RBM20: variants seen among roughly 807,000 people sequenced by gnomAD.
RBM20 encodes RNA binding motif protein 20, also known as RNA-binding protein 20.
RBM20 carries 51 observed loss-of-function variants against 110.1 expected under a neutral mutation model. That is an observed-to-expected ratio of 0.46 (90% CI 0.37 to 0.59). The LOEUF (loss-of-function observed/expected upper bound fraction) is 0.59, where lower values mean the gene tolerates loss of function less well. Among genes scored for constraint, RBM20 ranks in the 20% least tolerant of loss-of-function variants. The probability of loss-of-function intolerance (pLI) is 0.00; values close to 1 mark genes in which losing one functional copy is unlikely to be tolerated. For missense variants in RBM20, 1,512 were observed against 1,574.9 expected (o/e 0.96, Z 0.68); for synonymous variants, 589 against 618.2 (o/e 0.95, Z 0.70).
intron 1 of RBM20, among the ~76,000 whole-genome samples, chr10:110,773,839 G>A (rs962799173): frequency 6.6e-6 from 1 of 152,128 alleles, no homozygotes. Context: ...TAGTCCCCTG[G>A]TTCTGAGACT....
At chr10:110,839,467 TGTGA>T (rs566617930) in exon 14 of RBM20, 31 of 152,232 alleles carry the variant, frequency 2.0e-4, no homozygotes, top group African/African-American at 7.0e-4. Flanking sequence ...ATTTGAAAGC[TGTGA>T]GTGAGTGACT....
intron 1 of RBM20, among the ~76,000 whole-genome samples, chr10:110,661,755 A>T (rs1862105522): frequency 6.6e-6 from 1 of 152,094 alleles, no homozygotes; most frequent in Non-Finnish European, 1.5e-5. Context: ...CACACCTGTA[A>T]TCCCAGCATT....
At chr10:110,682,712 T>G (rs948324796) in intron 1 of RBM20, among the ~76,000 whole-genome samples, 1 of 152,202 alleles carries the variant, frequency 6.6e-6, no homozygotes, top group African/African-American at 2.4e-5. Flanking sequence ...TTGCTTAAGG[T>G]GGTGTTAACT....
chr10:110,660,679 G>A (rs752351429), intron 1 of RBM20, among the ~76,000 whole-genome samples: 1 of 151,738 alleles, frequency 6.6e-6, no homozygotes, highest in Admixed American at 6.6e-5. Flanking sequence ...CTGATGATCT[G>A]TCACTGTCTC....
At chr10:110,646,236 T>C (rs564863123) in intron 1 of RBM20, among the ~76,000 whole-genome samples, 4 of 152,232 alleles carry the variant, frequency 2.6e-5, no homozygotes, top group Non-Finnish European at 5.9e-5. Context: ...GAACTTTATA[T>C]TCACAGAAAA....
At chr10:110,804,664 A>G (rs1332180832) in intron 7 of RBM20, among the ~76,000 whole-genome samples, 3 of 152,252 alleles carry the variant, frequency 2.0e-5, no homozygotes, top group Non-Finnish European at 2.9e-5. Context: ...GAAAGAGAAA[A>G]TCTGAAGGAA....
At chr10:110,752,942 TATA>T (rs369973868) in intron 1 of RBM20, among the ~76,000 whole-genome samples, 1,274 of 81,548 alleles carry the variant, frequency 0.016, 5 homozygotes, top group African/African-American at 0.029. Context: ...TATATATATA[TATA>T]TTTTTTTTTT....
At chr10:110,692,880 T>A (rs1319813108) in intron 1 of RBM20, among the ~76,000 whole-genome samples, 1 of 131,470 alleles carries the variant, frequency 7.6e-6, no homozygotes, top group African/African-American at 2.6e-5. Context: ...CCATTGAGTA[T>A]GATGTTAGCT....
At chr10:110,721,280 A>G (rs998449783) in intron 1 of RBM20, among the ~76,000 whole-genome samples, 3 of 152,182 alleles carry the variant, frequency 2.0e-5, no homozygotes, top group African/African-American at 7.2e-5. Flanking sequence ...CTCCATCCCT[A>G]GAGCAATGCC....
chr10:110,819,718 C>T (rs902833528), intron 9 of RBM20, among the ~76,000 whole-genome samples: 3 of 152,166 alleles, frequency 2.0e-5, no homozygotes, highest in African/African-American at 2.4e-5. Context: ...ACCCTGGGGT[C>T]TTGGCCGGCC....
intron 1 of RBM20, among the ~76,000 whole-genome samples, chr10:110,710,898 C>A (rs930486803): frequency 2.0e-4 from 31 of 152,234 alleles, no homozygotes; most frequent in Admixed American, 1.2e-3. Flanking sequence ...GCTGGGACTG[C>A]TTTTGCTTGG....
chr10:110,773,462 G>T (rs2135027498), intron 1 of RBM20, among the ~76,000 whole-genome samples: 1 of 152,002 alleles, frequency 6.6e-6, no homozygotes, highest in East Asian at 1.9e-4. Context: ...ATAAGTGTTT[G>T]TTTTCCTCTT....
intron 1 of RBM20, among the ~76,000 whole-genome samples, chr10:110,738,517 C>A (rs1450967141): frequency 1.3e-5 from 2 of 152,158 alleles, no homozygotes; most frequent in Admixed American, 6.5e-5. Context: ...CCCGAACCCC[C>A]CGTGGAATGT....
chr10:110,703,488 C>A (rs975032462), intron 1 of RBM20, among the ~76,000 whole-genome samples: 4 of 152,080 alleles, frequency 2.6e-5, no homozygotes, highest in Non-Finnish European at 5.9e-5. Context: ...ATCCAGTTCC[C>A]CCAGTGATAA....
chr10:110,793,752 T>C (rs1205292820), intron 5 of RBM20, among the ~76,000 whole-genome samples: 3 of 152,260 alleles, frequency 2.0e-5, no homozygotes, highest in Non-Finnish European at 4.4e-5. Flanking sequence ...ACCTAGGTGA[T>C]GTGCTAAGTT....
At chr10:110,830,677 CAG>C (rs1845039789) in intron 12 of RBM20, among the ~76,000 whole-genome samples, 1 of 152,036 alleles carries the variant, frequency 6.6e-6, no homozygotes, top group Non-Finnish European at 1.5e-5. Context: ...ACAGCAGCTG[CAG>C]AGAGAGGTAC....
Position 110,739,490 on chromosome 10 carries a change from A to G in RBM20, c.192-41311A>G, listed in dbSNP as rs1934930. On this transcript the variant is annotated intron_variant, in intron 1 of 13. Transcript: ENST00000369519. This position sits in a 1 kb window ranked among gnomAD's most constrained non-coding sequence, Gnocchi z 4.1. Reference sequence around the variant, plus strand: ...GAGCTGCCGGATCTCTTGACCCCTCAGAGAATTTTACATTAGGGAAAAGTG... The same window carrying G: ...GAGCTGCCGGATCTCTTGACCCCTCGGAGAATTTTACATTAGGGAAAAGTG... Among the ~76,000 whole-genome samples, 62,563 of 152,032 alleles carry G rather than the reference A, an allele frequency of 0.41. 13,124 individuals are homozygous for G. Among genetic ancestry groups the G allele is most frequent in the African/African-American group, 0.45 (18,485 of 41,432 alleles).
chr10:110,811,281 G>A (rs967094006), intron 8 of RBM20, among the ~76,000 whole-genome samples: 2 of 152,212 alleles, frequency 1.3e-5, no homozygotes, highest in Non-Finnish European at 2.9e-5. Context: ...TGAGGGCTAC[G>A]TGGTTTTCCT....
At position 110,837,903 on chromosome 10, in the gene RBM20, A is replaced by G. The variant is rs1300802413; in HGVS notation, c.*1925A>G. 6.6e-6 allele frequency: 1 copy of G among 152,226 alleles called. No individual in the cohort carries two copies. Among genetic ancestry groups the G allele is most frequent in the East Asian group, 1.9e-4 (1 of 5,200 alleles). The allele number at this position is 152,226 out of a possible 1,614,324, so 9.4% of individuals were successfully genotyped here. The stretch of plus-strand genomic sequence containing the variant: ...ATCATCAGGCTATTAAATAAAATTT[A>G]TAGGAGGCTGTTGGTTTGGACTGAG... On this transcript the variant is annotated 3_prime_UTR_variant, in exon 14 of 14. Transcript: ENST00000369519.
Sources: allele counts gnomAD v4.1 joint callset (sites outside exome capture counted in the v4.1 genomes callset), GRCh38; gene constraint gnomAD v4.1.1; non-coding constraint Gnocchi (gnomAD v3.1); transcripts MANE v1.5; gene names NCBI Gene and HGNC (gene_info 2026-07-23, HGNC 2026-07-21).